KREMEN1: variants seen among roughly 807,000 people sequenced by gnomAD.
KREMEN1 encodes the protein kremen protein 1.
In KREMEN1, 30 loss-of-function variants were observed where a neutral mutation model predicts 46.5. That is an observed-to-expected ratio of 0.65 (90% CI 0.48 to 0.88). The LOEUF is 0.88. KREMEN1 is among the 40% of genes least tolerant of loss of function. KREMEN1 has a pLI of 0.00. For missense variants in KREMEN1, 533 were observed against 596.9 expected (o/e 0.89, Z 1.11); for synonymous variants, 214 against 230.6 (o/e 0.93, Z 0.65).
rs1421522005 is a variant in KREMEN1 at position 29,146,813 on chromosome 22, T to C, written c.*4701T>C. 2.1e-6 allele frequency: 2 copies of C among 970,134 alleles called. No individual in the cohort carries two copies. The highest frequency in any genetic ancestry group is 4.8e-5 in the South Asian group (1 of 20,948). The allele number at this position is 970,134 out of a possible 1,614,324, so 60.1% of individuals were successfully genotyped here. A position where few individuals can be genotyped will look rare whatever the true frequency, so the allele number is the denominator to read the frequency against. Reference sequence around the variant, plus strand: ...GAAAAAATAAATATTCTCATTGTTGTAGAAAGAGTGATGGGCCCTATGCTG... The same window carrying C: ...GAAAAAATAAATATTCTCATTGTTGCAGAAAGAGTGATGGGCCCTATGCTG... On this transcript the variant is annotated 3_prime_UTR_variant, in exon 9 of 9. Coordinates refer to ENST00000400335, the MANE Select transcript of KREMEN1 (RefSeq NM_001039570.3).
chr22:29,162,747 C>T (rs1192335353), intron 9 of KREMEN1, among the ~76,000 whole-genome samples: 1 of 151,962 alleles, frequency 6.6e-6, no homozygotes, highest in African/African-American at 2.4e-5. Context: ...AAAAGCAATT[C>T]CATTATTGGG....
intron 1 of KREMEN1, among the ~76,000 whole-genome samples, chr22:29,093,002 C>T (rs534503263): frequency 6.6e-6 from 1 of 152,068 alleles, no homozygotes; most frequent in East Asian, 1.9e-4. Context: ...AAAATAAATT[C>T]CTAGGGTTTC....
chr22:29,131,687 CATGTATATATGTGTATATAT>C (rs1259258857), intron 5 of KREMEN1, among the ~76,000 whole-genome samples: 16 of 91,200 alleles, frequency 1.8e-4, no homozygotes, highest in African/African-American at 8.1e-4. Context: ...TGCATATATA[CATGTATATATGTGTATATAT>C]ATGTATATAT....
At chr22:29,093,170 C>G in intron 1 of KREMEN1, among the ~76,000 whole-genome samples, 1 of 152,042 alleles carries the variant, frequency 6.6e-6, no homozygotes, top group Admixed American at 6.6e-5. Flanking sequence ...AGAATGTGTT[C>G]ATGTTGTTCA....
rs943773659 is a variant in KREMEN1, at chr22:29,141,828, G to T, written c.1209-116G>T. 7 of 712,506 alleles carry T rather than the reference G, an allele frequency of 9.8e-6. No individual in the cohort carries two copies. In the African/African-American group the frequency reaches 1.1e-4, roughly 11 times the overall value. 44.1% of individuals were successfully genotyped at this position (712,506 alleles called of 1,614,324 possible). A position where few individuals can be genotyped will look rare whatever the true frequency, so the allele number is the denominator to read the frequency against. On this transcript the variant is annotated intron_variant, in intron 8 of 8. Transcript: ENST00000400335. Reference sequence around the variant, plus strand: ...GTCCTTCAGATCTTTAGAGGTGGCTGTGAGGTCCTTCCCAAGACCTTGCCC... The same window carrying T: ...GTCCTTCAGATCTTTAGAGGTGGCTTTGAGGTCCTTCCCAAGACCTTGCCC...
chr22:29,119,825 G>GAT (rs1300416241), intron 3 of KREMEN1, among the ~76,000 whole-genome samples: 1 of 152,234 alleles, frequency 6.6e-6, no homozygotes, highest in Non-Finnish European at 1.5e-5. Context: ...AGATGTTCAT[G>GAT]ATATAATCCC....
rs2037992010 is a variant in KREMEN1 at position 29,102,408 on chromosome 22, T to G, written c.352+3455T>G. 3.3e-5 allele frequency among the ~76,000 whole-genome samples: 5 copies of G among 152,198 alleles called. 1 individual carries two copies. The highest frequency in any genetic ancestry group is 3.3e-4 in the Admixed American group (5 of 15,278). On this transcript the variant is annotated intron_variant, in intron 3 of 8. Coordinates refer to ENST00000400335, the MANE Select transcript of KREMEN1 (RefSeq NM_001039570.3). Reference sequence around the variant, plus strand: ...AATTTTTAAAATGAAAAACATCTCATTTGCCTCTAGTTATGTAAAGAAGAA... The same window carrying G: ...AATTTTTAAAATGAAAAACATCTCAGTTGCCTCTAGTTATGTAAAGAAGAA...
At chr22:29,133,804 TC>T (rs982844826) in intron 5 of KREMEN1, among the ~76,000 whole-genome samples, 16 of 152,240 alleles carry the variant, frequency 1.1e-4, no homozygotes, top group Non-Finnish European at 1.8e-4. Context: ...TCTGTTCCAT[TC>T]TTTTTTTCTT....
chr22:29,108,866 T>C lies in KREMEN1; in HGVS notation c.352+9913T>C, dbSNP rs112381230. Among the ~76,000 whole-genome samples, 722 of 152,256 alleles carry C rather than the reference T, an allele frequency of 4.7e-3. 8 individuals are homozygous for C. The highest frequency in any genetic ancestry group is 0.036 in the East Asian group (186 of 5,176). ...GTGCAGTGGCACGATCATGGATCAC[T>C]GCAGCCTTGACCTCCCAGACTCAAG... On this transcript the variant is annotated intron_variant, in intron 3 of 8. Transcript: ENST00000400335.
chr22:29,115,791 G>T (rs771323278), intron 3 of KREMEN1, among the ~76,000 whole-genome samples: 29 of 152,246 alleles, frequency 1.9e-4, no homozygotes, highest in South Asian at 1.0e-3. Flanking sequence ...GAAATCTTAA[G>T]AAGGGAATAA....
chr22:29,085,307 G>T (rs1393944931), intron 1 of KREMEN1, among the ~76,000 whole-genome samples: 2 of 152,040 alleles, frequency 1.3e-5, no homozygotes, highest in African/African-American at 4.8e-5. Context: ...ATTAACCATG[G>T]CTAATGTTAT....
intron 3 of KREMEN1, among the ~76,000 whole-genome samples, chr22:29,107,218 C>CTTTTT (rs1188000476): frequency 2.7e-5 from 3 of 111,922 alleles, no homozygotes; most frequent in East Asian, 2.4e-4. Context: ...ACCATTTATA[C>CTTTTT]TTTTTTTTTT....
At chr22:29,076,084 T>C (rs1451705247) in intron 1 of KREMEN1, among the ~76,000 whole-genome samples, 1 of 152,180 alleles carries the variant, frequency 6.6e-6, no homozygotes, top group Non-Finnish European at 1.5e-5. Flanking sequence ...CAGGGCCATG[T>C]GGTCGAGAGG....
intron 9 of KREMEN1, among the ~76,000 whole-genome samples, chr22:29,157,904 G>A (rs1415345955): frequency 6.6e-6 from 1 of 152,294 alleles, no homozygotes; most frequent in East Asian, 1.9e-4. Context: ...CATGGCAGAG[G>A]GACATGGCCT....
chr22:29,153,551 G>A (rs925038192), intron 9 of KREMEN1, among the ~76,000 whole-genome samples: 8 of 152,034 alleles, frequency 5.3e-5, no homozygotes, highest in South Asian at 2.1e-4. Context: ...TAGAGACAGC[G>A]TCTCACTATG....
chr22:29,094,546 G>T, intron 2 of KREMEN1, 126 bp downstream of exon 2: 1 of 627,936 alleles, frequency 1.6e-6, no homozygotes, highest in South Asian at 2.2e-5. Context: ...TATCTTGTCA[G>T]TTTTAAAAAT....
chr22:29,094,446 A>G (rs751086032), intron 2 of KREMEN1, 26 bp downstream of exon 2: 2 of 1,592,144 alleles, frequency 1.3e-6, no homozygotes, highest in Non-Finnish European at 8.6e-7. Context: ...TCAGTACTTT[A>G]AAAAGATAGA....
At position 29,145,750 on chromosome 22, in the gene KREMEN1, G is replaced by A. The variant is rs529084044; in HGVS notation, c.*3638G>A. On this transcript the variant is annotated 3_prime_UTR_variant, in exon 9 of 9. Transcript: ENST00000400335. The stretch of plus-strand genomic sequence containing the variant: ...ACAGGCTTGAGGCCTCTCTGGGCGT[G>A]AGCGAGGAAACCAGGCTGCTCTAAC... The A allele has an allele frequency of 2.5e-5, 25 of 985,572 alleles. No individual in the cohort carries two copies. The highest frequency in any genetic ancestry group is 1.8e-5 in the Non-Finnish European group (15 of 829,998). 61.1% of individuals were successfully genotyped at this position (985,572 alleles called of 1,614,324 possible). A position where few individuals can be genotyped will look rare whatever the true frequency, so the allele number is the denominator to read the frequency against.
At chr22:29,153,852 C>T (rs775381276) in intron 9 of KREMEN1, among the ~76,000 whole-genome samples, 2 of 151,910 alleles carry the variant, frequency 1.3e-5, no homozygotes, top group Non-Finnish European at 2.9e-5. Context: ...GCGTGCTACT[C>T]CCTAGCTACT....
Sources: gnomAD v4.1 joint callset for allele counts (sites outside exome capture counted in the v4.1 genomes callset) on GRCh38, gnomAD v4.1.1 for gene constraint, MANE v1.5 for transcripts, NCBI Gene and HGNC (gene_info 2026-07-23, HGNC 2026-07-21) for gene names.